The following ANKRD45 variants were observed in gnomAD, a reference collection of about 807,000 sequenced individuals.
The protein encoded by ANKRD45 is ankyrin repeat domain 45, also known as ankyrin repeat domain-containing protein 45.
Under a neutral mutation model 28.1 loss-of-function variants are expected in ANKRD45, and 21 were observed. That is an observed-to-expected ratio of 0.75 (90% CI 0.53 to 1.08). The LOEUF is 1.08. Among genes scored for constraint, ANKRD45 ranks in the 50% least tolerant of loss-of-function variants. The pLI is 0.00. For synonymous variants in ANKRD45, 86 were observed against 103.9 expected (o/e 0.83, Z 1.05); for missense variants, 261 against 308.7 (o/e 0.85, Z 1.16).
At chr1:173,713,718 C>T in the ANKRD45 span, among the ~76,000 whole-genome samples, 1 of 151,888 alleles carries the variant, frequency 6.6e-6, no homozygotes, top group Non-Finnish European at 1.5e-5. Flanking sequence ...GCAGGAGGAC[C>T]ATCTCCCATA....
chr1:173,647,485 A>G (rs12074044), intron 2 of ANKRD45, among the ~76,000 whole-genome samples: 2 of 152,268 alleles, frequency 1.3e-5, no homozygotes, highest in Non-Finnish European at 2.9e-5. Flanking sequence ...TGGAAATTCT[A>G]TTAATTAAAA....
intron 2 of ANKRD45, chr1:173,658,097 T>A: frequency 6.5e-6 from 1 of 152,730 alleles, no homozygotes; most frequent in Non-Finnish European, 1.5e-5. Flanking sequence ...CCAAGACAGG[T>A]GGGTCACTGG....
At chr1:173,610,609 G>C (rs1263256218) in intron 5 of ANKRD45, among the ~76,000 whole-genome samples, 1 of 152,008 alleles carries the variant, frequency 6.6e-6, no homozygotes. Flanking sequence ...GGGGAGAGAG[G>C]CAAATCTTCA....
chr1:173,625,055 A>G, intron 4 of ANKRD45, 130 bp from the exon 5 acceptor site: 2 of 887,034 alleles, frequency 2.3e-6, no homozygotes, highest in Admixed American at 2.9e-5. Context: ...GCATTGTCCA[A>G]TACAGTAGCC....
chr1:173,635,508 A>T (rs958877502), intron 3 of ANKRD45: 1 of 1,477,876 alleles, frequency 6.8e-7, no homozygotes, highest in Non-Finnish European at 8.9e-7. Flanking sequence ...TTTTTTTTCA[A>T]TTGACAAAGA....
chr1:173,679,850 A>G, the ANKRD45 span, among the ~76,000 whole-genome samples: 4 of 152,358 alleles, frequency 2.6e-5, no homozygotes, highest in East Asian at 3.9e-4. Context: ...TACAAGAAAA[A>G]AGCAAAACAA....
In ANKRD45 at chr1:173,659,522, G is replaced by C. The variant is rs563484980; in HGVS notation, c.-15-89C>G. 6 of 1,150,194 alleles carry C rather than the reference G, an allele frequency of 5.2e-6. No homozygotes were observed. In the African/African-American group the frequency reaches 6.2e-5, roughly 12 times the overall value. The allele number at this position is 1,150,194 out of a possible 1,614,324, so 71.2% of individuals were successfully genotyped here. A position where few individuals can be genotyped will look rare whatever the true frequency, so the allele number is the denominator to read the frequency against. ...ATTTGCTCAGTCAACTGACAATATA[G>C]ATGGTATAAAAATACTTAACTATTT... On this transcript the variant is annotated intron_variant, in intron 1 of 5. Transcript: ENST00000333279.
the ANKRD45 span, chr1:173,714,877 T>G: frequency 6.6e-6 from 1 of 152,228 alleles, no homozygotes; most frequent in Non-Finnish European, 1.5e-5. Context: ...CCGGAACCCC[T>G]TGGCGGATTA....
intron 4 of ANKRD45, 94 bp downstream of exon 4, chr1:173,626,971 C>T (rs1667967479): frequency 1.3e-6 from 1 of 789,812 alleles, no homozygotes; most frequent in Admixed American, 2.2e-5. Context: ...GAAGTAAGGA[C>T]CACTACCTGC....
chr1:173,678,508 C>T, the ANKRD45 span, among the ~76,000 whole-genome samples: 1 of 152,148 alleles, frequency 6.6e-6, no homozygotes. Context: ...CAACAAAATT[C>T]AACAGCACTT....
At chr1:173,655,418 C>T (rs994633886) in intron 2 of ANKRD45, among the ~76,000 whole-genome samples, 50 of 152,194 alleles carry the variant, frequency 3.3e-4, no homozygotes, top group African/African-American at 1.2e-3. Context: ...TGGGTATCAC[C>T]AGCAGAGGCT....
At chr1:173,694,249 C>T in the ANKRD45 span, among the ~76,000 whole-genome samples, 2 of 151,932 alleles carry the variant, frequency 1.3e-5, no homozygotes, top group East Asian at 1.9e-4. Flanking sequence ...CTGCAACCTC[C>T]GCCTCCCGGG....
chr1:173,650,002 G>A lies in ANKRD45; in HGVS notation c.329-2989C>T, dbSNP rs945731939. ...TTGGGAAGAAATTAAGAGAAACAGC[G>A]TTATGATATTTAGTCTCACTATTGA... On this transcript the variant is annotated intron_variant, in intron 2 of 5. Transcript: ENST00000333279. Among the ~76,000 whole-genome samples, 14 of 152,166 alleles carry A rather than the reference G, an allele frequency of 9.2e-5. No individual in the cohort carries two copies. In the South Asian group the frequency reaches 1.2e-3, roughly 14 times the overall value.
the ANKRD45 span, among the ~76,000 whole-genome samples, chr1:173,688,271 T>C: frequency 6.6e-6 from 1 of 152,160 alleles, no homozygotes; most frequent in East Asian, 1.9e-4. Flanking sequence ...GGGTACACTG[T>C]TTTTTCTTTA....
At chr1:173,636,140 T>C in intron 3 of ANKRD45, among the ~76,000 whole-genome samples, 1 of 152,164 alleles carries the variant, frequency 6.6e-6, no homozygotes, top group East Asian at 1.9e-4. Flanking sequence ...TCAAGTTATC[T>C]GTCTGGGTCC....
chr1:173,680,294 G>A, the ANKRD45 span, among the ~76,000 whole-genome samples: 6 of 152,104 alleles, frequency 3.9e-5, no homozygotes, highest in African/African-American at 1.2e-4. Context: ...CAACTCCAAC[G>A]TCCATCACTG....
chr1:173,675,707 A>G, the ANKRD45 span, among the ~76,000 whole-genome samples: 1 of 152,232 alleles, frequency 6.6e-6, no homozygotes, highest in East Asian at 1.9e-4. Context: ...GAATCTAACA[A>G]CGGGTGTACT....
intron 5 of ANKRD45, 113 bp downstream of exon 5, chr1:173,624,674 T>C: frequency 9.1e-7 from 1 of 1,103,536 alleles, no homozygotes; most frequent in Non-Finnish European, 1.3e-6. Context: ...CTTGTAACAA[T>C]GTTAATAACT....
intron 2 of ANKRD45, among the ~76,000 whole-genome samples, chr1:173,654,805 C>A (rs1464115266): frequency 6.6e-6 from 1 of 152,114 alleles, no homozygotes; most frequent in Non-Finnish European, 1.5e-5. Context: ...TCTTTTTACT[C>A]TTTTTCTCTA....
Sources: gnomAD v4.1 joint callset for allele counts (sites outside exome capture counted in the v4.1 genomes callset) on GRCh38, gnomAD v4.1.1 for gene constraint, MANE v1.5 for transcripts, NCBI Gene and HGNC (gene_info 2026-07-23, HGNC 2026-07-21) for gene names.